CFAP299: variants seen among roughly 807,000 people sequenced by gnomAD.
CFAP299 encodes the protein cilia- and flagella-associated protein 299.
In CFAP299, 21 loss-of-function variants were observed where a neutral mutation model predicts 27.0. The observed-to-expected ratio is 0.78, with a 90% CI of 0.55 to 1.12. The LOEUF (loss-of-function observed/expected upper bound fraction) is 1.12, where lower values mean the gene tolerates loss of function less well. Among genes scored for constraint, CFAP299 ranks in the 50% most tolerant of loss-of-function variants. The pLI is 0.00. For missense variants in CFAP299, 310 were observed against 276.6 expected (o/e 1.12, Z -0.86); for synonymous variants, 104 against 98.1 (o/e 1.06, Z -0.36).
rs74950336 is a variant in CFAP299, at chr4:80,936,470, C to A, written c.477-8340C>A. On this transcript the variant is annotated intron_variant, in intron 4 of 5. Coordinates refer to ENST00000358105, the MANE Select transcript of CFAP299 (RefSeq NM_152770.3). ...AACACTATGCAGCCATGAAAGAGAA[C>A]AAGATTATGTCTTTTATGGGAACAT... is the stretch of plus-strand genomic sequence containing the variant. 6.1e-3 allele frequency among the ~76,000 whole-genome samples: 929 copies of A among 152,092 alleles called. 11 individuals carry two copies. Among genetic ancestry groups the A allele is most frequent in the African/African-American group, 0.021 (881 of 41,494 alleles).
chr4:80,596,561 A>G (rs1737073490), intron 3 of CFAP299, among the ~76,000 whole-genome samples: 1 of 151,294 alleles, frequency 6.6e-6, no homozygotes, highest in Admixed American at 6.6e-5. Context: ...TTTTCTGGAT[A>G]CTCCCTATAC....
chr4:80,596,363 G>A (rs1737060565), intron 3 of CFAP299, among the ~76,000 whole-genome samples: 1 of 152,144 alleles, frequency 6.6e-6, no homozygotes, highest in African/African-American at 2.4e-5. Flanking sequence ...TAATTAGACT[G>A]CAACGGGCAA....
chr4:80,627,011 CAACAAACA>C (rs70944797), intron 3 of CFAP299, among the ~76,000 whole-genome samples: 5 of 151,142 alleles, frequency 3.3e-5, no homozygotes, highest in South Asian at 4.2e-4. Context: ...ACCTTGATAC[CAACAAACA>C]AACAAACAAA....
intron 5 of CFAP299, among the ~76,000 whole-genome samples, 159 bp from the exon 6 acceptor site, chr4:80,963,358 C>T (rs1738437796): frequency 2.0e-5 from 3 of 151,542 alleles, no homozygotes; most frequent in Admixed American, 6.6e-5. Flanking sequence ...ATGTTCACTC[C>T]TGAGAAAAAG....
At chr4:80,813,360 A>G (rs1729256373) in intron 3 of CFAP299, among the ~76,000 whole-genome samples, 1 of 151,986 alleles carries the variant, frequency 6.6e-6, no homozygotes, top group Non-Finnish European at 1.5e-5. Flanking sequence ...ACAAACAAAG[A>G]AAAAAGGAAT....
At chr4:80,779,249 A>G (rs1726735481) in intron 3 of CFAP299, among the ~76,000 whole-genome samples, 1 of 152,054 alleles carries the variant, frequency 6.6e-6, no homozygotes. Flanking sequence ...AAATAAGTTC[A>G]TTTTCAGCAA....
At chr4:80,933,711 C>G (rs565369218) in intron 4 of CFAP299, among the ~76,000 whole-genome samples, 1 of 151,664 alleles carries the variant, frequency 6.6e-6, no homozygotes, top group East Asian at 1.9e-4. Flanking sequence ...TTACTATTTT[C>G]TTAATTTCAT....
At chr4:80,699,648 A>G (rs552396507) in intron 3 of CFAP299, among the ~76,000 whole-genome samples, 24 of 152,276 alleles carry the variant, frequency 1.6e-4, no homozygotes, top group African/African-American at 5.8e-4. Flanking sequence ...AGCTCCTATA[A>G]CTAGGGCATT....
chr4:80,878,231 A>G (rs1045881073), intron 4 of CFAP299, among the ~76,000 whole-genome samples: 1 of 152,070 alleles, frequency 6.6e-6, no homozygotes, highest in Non-Finnish European at 1.5e-5. Flanking sequence ...TTTCTTTGTG[A>G]TGACATTGAC....
rs79840375 is a variant in CFAP299 at position 80,348,769 on chromosome 4, A to G, written c.111+12890A>G. ...TTCTTATGGGAGCCCTGGCTCCCATATATATGAAATACCGAGGAATCCCAA... is the reference window on the plus strand; with the variant it reads ...TTCTTATGGGAGCCCTGGCTCCCATGTATATGAAATACCGAGGAATCCCAA... On this transcript the variant is annotated intron_variant, in intron 1 of 5. Transcript: ENST00000358105. 2.8e-3 allele frequency among the ~76,000 whole-genome samples: 428 copies of G among 152,356 alleles called. 3 individuals are homozygous for G. Among genetic ancestry groups the G allele is most frequent in the African/African-American group, 9.7e-3 (405 of 41,586 alleles).
At chr4:80,753,894 T>C (rs890686582) in intron 3 of CFAP299, among the ~76,000 whole-genome samples, 6 of 152,190 alleles carry the variant, frequency 3.9e-5, no homozygotes, top group African/African-American at 1.2e-4. Flanking sequence ...CCCCCCTAAA[T>C]CTTCATGCTC....
intron 3 of CFAP299, among the ~76,000 whole-genome samples, chr4:80,692,505 A>C (rs1316098468): frequency 6.6e-6 from 1 of 152,240 alleles, no homozygotes; most frequent in Non-Finnish European, 1.5e-5. Context: ...TAGAAAGCTG[A>C]AATTGGATCC....
At chr4:80,656,390 G>A (rs1350539075) in intron 3 of CFAP299, among the ~76,000 whole-genome samples, 3 of 151,460 alleles carry the variant, frequency 2.0e-5, no homozygotes, top group Non-Finnish European at 2.9e-5. Flanking sequence ...CCCAGCCCCC[G>A]ACAGACCCCT....
chr4:80,652,729 T>C (rs1740367267), intron 3 of CFAP299, among the ~76,000 whole-genome samples: 1 of 152,012 alleles, frequency 6.6e-6, no homozygotes, highest in African/African-American at 2.4e-5. Context: ...CATGTCTCTG[T>C]GCTGCCTCTA....
At chr4:80,364,394 A>G (rs572504769) in intron 2 of CFAP299, among the ~76,000 whole-genome samples, 8 of 152,226 alleles carry the variant, frequency 5.3e-5, no homozygotes, top group Non-Finnish European at 1.0e-4. Context: ...CTCCAGCAAC[A>G]GTGGGTCAAG....
In CFAP299 at chr4:80,776,826, A is replaced by G. The variant is rs577872618; in HGVS notation, c.334-93167A>G. ...ATTTTCAAACAGCTCAAATAATTGA[A>G]CAATCAGATAAAATGTTATTACAAT... On this transcript the variant is annotated intron_variant, in intron 3 of 5. Transcript: ENST00000358105. 1.2e-4 allele frequency among the ~76,000 whole-genome samples: 18 copies of G among 152,160 alleles called. No homozygotes were observed. The South Asian group carries it at 3.3e-3, about 28-fold the overall frequency.
chr4:80,483,019 G>A lies in CFAP299; in HGVS notation c.243-100074G>A, dbSNP rs191080407. ...CCTTACATAGCAAAACGGAACTAAG[G>A]TTGTAGATGGAAATAAGGTTACTAG... On this transcript the variant is annotated intron_variant, in intron 2 of 5. Coordinates refer to ENST00000358105, the MANE Select transcript of CFAP299 (RefSeq NM_152770.3). Among the ~76,000 whole-genome samples, 671 of 152,270 alleles carry A rather than the reference G, an allele frequency of 4.4e-3. 3 individuals are homozygous for A. The highest frequency in any genetic ancestry group is 7.2e-3 in the Non-Finnish European group (489 of 68,026).
At chr4:80,660,772 G>A (rs931717970) in intron 3 of CFAP299, among the ~76,000 whole-genome samples, 4 of 152,000 alleles carry the variant, frequency 2.6e-5, no homozygotes, top group African/African-American at 9.7e-5. Context: ...AGTCACAAAG[G>A]GCTCGATTGA....
At chr4:80,372,144 G>C (rs982581509) in intron 2 of CFAP299, among the ~76,000 whole-genome samples, 4 of 152,198 alleles carry the variant, frequency 2.6e-5, no homozygotes, top group South Asian at 2.1e-4. Flanking sequence ...CTGCTGAAAG[G>C]TGAAGGGGAA....
Sources: allele counts gnomAD v4.1 joint callset (sites outside exome capture counted in the v4.1 genomes callset), GRCh38; gene constraint gnomAD v4.1.1; transcripts MANE v1.5; gene names NCBI Gene and HGNC (gene_info 2026-07-23, HGNC 2026-07-21).